Variants in DLGAP5 observed in about 807,000 individuals in gnomAD.
The protein encoded by DLGAP5 is disks large-associated protein 5.
A neutral mutation model predicts 99.6 loss-of-function variants in DLGAP5; 90 were observed. That is an observed-to-expected ratio of 0.90 (90% CI 0.76 to 1.08). The LOEUF (loss-of-function observed/expected upper bound fraction) is 1.08. DLGAP5 is among the 50% of genes least tolerant of loss of function. The pLI, the probability that DLGAP5 is intolerant of heterozygous loss-of-function variation, is 0.00. For missense variants in DLGAP5, 1,036 were observed against 983.5 expected (o/e 1.05, Z -0.71); for synonymous variants, 311 against 321.3 (o/e 0.97, Z 0.34).
intron 18 of DLGAP5, among the ~76,000 whole-genome samples, chr14:55,149,459 T>A (rs984404215): frequency 1.3e-5 from 2 of 152,184 alleles, no homozygotes; most frequent in African/African-American, 4.8e-5. Context: ...CTTTGAAAAA[T>A]AATGAAAGAC....
intron 12 of DLGAP5, 41 bp from the exon 13 acceptor site, chr14:55,163,116 T>A: frequency 7.9e-7 from 1 of 1,273,184 alleles, no homozygotes; most frequent in Non-Finnish European, 1.1e-6. Context: ...ATGCTAGCCA[T>A]ATTAAAGTTA....
At chr14:55,150,932 G>T in intron 17 of DLGAP5, 84 bp from the exon 18 acceptor site, 1 of 897,056 alleles carries the variant, frequency 1.1e-6, no homozygotes, top group Non-Finnish European at 1.7e-6. Context: ...TGAAAAATAT[G>T]AAAAGTTCCA....
At chr14:55,154,509 T>C in intron 15 of DLGAP5, 108 bp downstream of exon 15, 1 of 913,774 alleles carries the variant, frequency 1.1e-6, no homozygotes, top group East Asian at 2.5e-5. Context: ...AGGGTCATTA[T>C]GAAATTTATT....
chr14:55,183,685 G>C lies in DLGAP5; in HGVS notation c.307C>G (p.Leu103Val), dbSNP rs1883344248. 1.2e-6 allele frequency: 2 copies of C among 1,611,864 alleles called. No homozygotes were observed. Among genetic ancestry groups the C allele is most frequent in the Admixed American group, 1.7e-5 (1 of 59,618 alleles). ...TCTCTCTGCTCTTTCAATTTTTGAA[G>C]TTGCTTTTCTTCTTTGTATTTTTGG... ...MLQKYKEEKQ[L>V]QKLKEQREKA... The change falls in exon 3 of 19, where the codon CTT (leucine) becomes GTT (valine). Residue 103 changes from leucine to valine, a missense_variant. Leu to Val is a conservative substitution (Grantham distance 32). Coordinates refer to ENST00000247191, the MANE Select transcript of DLGAP5 (RefSeq NM_014750.5).
chr14:55,151,137 C>G (rs146400485), intron 17 of DLGAP5, among the ~76,000 whole-genome samples: 1 of 152,270 alleles, frequency 6.6e-6, no homozygotes, highest in East Asian at 1.9e-4. Context: ...AGGTTAAAAC[C>G]TTTTGTTTTA....
At chr14:55,162,600 T>C (rs1451587566) in intron 13 of DLGAP5, among the ~76,000 whole-genome samples, 12 of 141,492 alleles carry the variant, frequency 8.5e-5, no homozygotes, top group Admixed American at 7.0e-4. Flanking sequence ...GCCTTGGTGA[T>C]AGAGCGGGAT....
chr14:55,182,465 T>C (rs1594683241), intron 3 of DLGAP5, 33 bp from the exon 4 acceptor site: 3 of 1,556,656 alleles, frequency 1.9e-6, no homozygotes, highest in East Asian at 2.3e-5. Context: ...GAACTTAAAA[T>C]ATGAACTGGT....
chr14:55,177,997 A>T (rs1228623020), intron 7 of DLGAP5, among the ~76,000 whole-genome samples: 2 of 151,692 alleles, frequency 1.3e-5, no homozygotes, highest in Non-Finnish European at 2.9e-5. Flanking sequence ...TCATGCCTGT[A>T]ATCCCAGCAC....
chr14:55,148,369 T>A lies in DLGAP5; in HGVS notation c.2523A>T (p.Leu841=). ...TTTAAATTCAAAATTCTCCTGGTTGTAGAGGTGAAAAAGTAATCAGGTTAC... is the reference window on the plus strand; with the variant it reads ...TTTAAATTCAAAATTCTCCTGGTTGAAGAGGTGAAAAAGTAATCAGGTTAC... The part of the protein sequence containing the change: ...FGGNLITFSP[L]QPGEF Residue 841 remains leucine, a synonymous_variant, in exon 19 of 19, where the codon CTA becomes CTT. Transcript: ENST00000247191. The A allele has an allele frequency of 6.2e-7, 1 of 1,614,014 alleles. No individual in the cohort carries two copies.
At chr14:55,154,260 A>G (rs1594662607) in intron 15 of DLGAP5, among the ~76,000 whole-genome samples, 1 of 152,160 alleles carries the variant, frequency 6.6e-6, no homozygotes, top group East Asian at 1.9e-4. Context: ...ATGAAAGTGA[A>G]GCTAAAGAGA....
chr14:55,177,278 G>A lies in DLGAP5; in HGVS notation c.833C>T (p.Thr278Ile), dbSNP rs766438834. Reference sequence around the variant, plus strand: ...GACTCCATCTGGATTCATTCCACTTGTTGCATTAGTTTGTGAATTCAAAGT... The same window carrying A: ...GACTCCATCTGGATTCATTCCACTTATTGCATTAGTTTGTGAATTCAAAGT... ...ENTLNSQTNA[T>I]SGMNPDGVLS... The change falls in exon 8 of 19, where the codon ACA becomes ATA. Residue 278 changes from threonine to isoleucine, a missense_variant. Thr to Ile is a moderately conservative substitution (Grantham distance 89, BLOSUM62 -1). Transcript: ENST00000247191. 6.2e-7 allele frequency: 1 copy of A among 1,610,450 alleles called. No homozygotes were observed. Among genetic ancestry groups the A allele is most frequent in the South Asian group, 1.1e-5 (1 of 90,194 alleles).
At chr14:55,179,202 G>A (rs1265471959) in intron 7 of DLGAP5, among the ~76,000 whole-genome samples, 4 of 152,028 alleles carry the variant, frequency 2.6e-5, no homozygotes. Context: ...ACTCTATGCA[G>A]GTATTCCATG....
At chr14:55,173,435 A>G (rs1882939051) in intron 10 of DLGAP5, among the ~76,000 whole-genome samples, 1 of 152,172 alleles carries the variant, frequency 6.6e-6, no homozygotes, top group Non-Finnish European at 1.5e-5. Flanking sequence ...AAACAAAAGA[A>G]AAGAAAGAAA....
intron 13 of DLGAP5, 143 bp from the exon 14 acceptor site, chr14:55,158,884 C>G: frequency 1.5e-6 from 1 of 650,268 alleles, no homozygotes; most frequent in Non-Finnish European, 2.5e-6. Context: ...ATATATTTAT[C>G]AAGTTCCTAG....
Position 55,183,738 on chromosome 14 carries a change from A to G in DLGAP5, c.254T>C (p.Ile85Thr). Residue 85 changes from isoleucine (I) to threonine (T), a missense_variant, in exon 3 of 19, where the codon ATT becomes ACT. Physicochemically the swap from Ile to Thr is moderately conservative, Grantham distance 89. Transcript: ENST00000247191. ...TNVKPRAMKT[I>T]LGDQRKQMLQ... is the part of the protein sequence containing the mutation. ...CATCTGTTTTCGTTGATCACCTAGA[A>G]TAGTTTTCATTGCCCCTAGGCAGAA... 6.3e-7 allele frequency: 1 copy of G among 1,594,594 alleles called. No homozygotes were observed. The highest frequency in any genetic ancestry group is 1.1e-5 in the South Asian group (1 of 87,498).
At chr14:55,183,172 A>G (rs1042597885) in intron 3 of DLGAP5, among the ~76,000 whole-genome samples, 2 of 152,174 alleles carry the variant, frequency 1.3e-5, no homozygotes, top group East Asian at 3.8e-4. Context: ...ATAGTCTCAC[A>G]ATTGGTCTCC....
chr14:55,185,099 A>T (rs1477814250), intron 2 of DLGAP5, among the ~76,000 whole-genome samples: 2 of 152,182 alleles, frequency 1.3e-5, no homozygotes, highest in Admixed American at 6.5e-5. Flanking sequence ...AGCATGCGGT[A>T]ATTTCTCCCA....
chr14:55,173,117 A>G (rs1322382335), intron 10 of DLGAP5, among the ~76,000 whole-genome samples: 1 of 151,798 alleles, frequency 6.6e-6, no homozygotes, highest in African/African-American at 2.4e-5. Flanking sequence ...AAAATCCCTT[A>G]TAATTCTAAA....
intron 12 of DLGAP5, 57 bp downstream of exon 12, chr14:55,169,342 T>TAA (rs61278586): frequency 0.021 from 18,160 of 866,882 alleles, 151 homozygotes; most frequent in Admixed American, 0.035. Context: ...TCCTGCTACT[T>TAA]AAAAAAAAAA....
Sources: gnomAD v4.1 joint callset for allele counts (sites outside exome capture counted in the v4.1 genomes callset) on GRCh38, gnomAD v4.1.1 for gene constraint, MANE v1.5 for transcripts, NCBI Gene and HGNC (gene_info 2026-07-23, HGNC 2026-07-21) for gene names.